Variants in ATRNL1 observed in about 807,000 individuals in gnomAD.
ATRNL1 encodes attractin-like protein 1.
A neutral mutation model predicts 182.7 loss-of-function variants in ATRNL1; 95 were observed. That is an observed-to-expected ratio of 0.52 (90% CI 0.44 to 0.62). The LOEUF (loss-of-function observed/expected upper bound fraction) is 0.62. Ranked by LOEUF, ATRNL1 falls within the 20% of genes least tolerant of loss-of-function variation. The pLI, the probability that ATRNL1 is intolerant of heterozygous loss-of-function variation, is 0.00. For missense variants in ATRNL1, 1,471 were observed against 1,679.5 expected, an observed-to-expected ratio of 0.88 and a Z score of 2.17; for synonymous variants, 576 against 568.3, an observed-to-expected ratio of 1.01 and a Z score of -0.19.
intron 21 of ATRNL1, among the ~76,000 whole-genome samples, chr10:115,428,866 T>C (rs1846023000): frequency 6.6e-6 from 1 of 152,236 alleles, no homozygotes; most frequent in Middle Eastern, 3.4e-3. Context: ...TTCCTAGCAA[T>C]GTATAGTTTG....
chr10:115,672,126 AAAC>A (rs1295357011), intron 26 of ATRNL1, among the ~76,000 whole-genome samples: 1 of 152,154 alleles, frequency 6.6e-6, no homozygotes, highest in East Asian at 1.9e-4. Flanking sequence ...TTAATGATAA[AAAC>A]AACAATTACG....
chr10:115,864,548 A>G (rs1333301964), intron 28 of ATRNL1, among the ~76,000 whole-genome samples: 2 of 152,236 alleles, frequency 1.3e-5, no homozygotes, highest in Non-Finnish European at 2.9e-5. Flanking sequence ...ACCCTAGCAG[A>G]CATGACTTAT....
chr10:115,436,621 GTATT>G (rs1846416996), intron 21 of ATRNL1, among the ~76,000 whole-genome samples: 1 of 152,040 alleles, frequency 6.6e-6, no homozygotes, highest in African/African-American at 2.4e-5. Context: ...GGAAAAACTA[GTATT>G]TATTAAATAT....
intron 8 of ATRNL1, among the ~76,000 whole-genome samples, chr10:115,178,980 A>C (rs1554887344): frequency 6.6e-6 from 1 of 152,130 alleles, no homozygotes; most frequent in African/African-American, 2.4e-5. Flanking sequence ...GAATTCTGCA[A>C]CATATCTCCT....
intron 20 of ATRNL1, among the ~76,000 whole-genome samples, chr10:115,405,804 T>C (rs775334182): frequency 1.3e-5 from 2 of 151,242 alleles, no homozygotes; most frequent in Non-Finnish European, 2.9e-5. Context: ...AACTCGTCAT[T>C]TAACATTAGG....
chr10:115,387,725 AT>A (rs1316640423), intron 19 of ATRNL1, among the ~76,000 whole-genome samples: 2 of 152,020 alleles, frequency 1.3e-5, no homozygotes, highest in Non-Finnish European at 2.9e-5. Flanking sequence ...TTCACTGCAT[AT>A]TTTTTTAAGA....
intron 26 of ATRNL1, among the ~76,000 whole-genome samples, chr10:115,631,387 T>C (rs1443520605): frequency 2.6e-5 from 4 of 151,960 alleles, no homozygotes; most frequent in Non-Finnish European, 5.9e-5. Flanking sequence ...AGAGCACAAA[T>C]GGTAGTTAAA....
At chr10:115,358,398 T>G (rs1554943381) in intron 19 of ATRNL1, among the ~76,000 whole-genome samples, 1 of 151,678 alleles carries the variant, frequency 6.6e-6, no homozygotes, top group African/African-American at 2.4e-5. Context: ...CTTTTCTTGC[T>G]TTACGTCTTA....
chr10:115,603,534 C>A (rs1032506822), intron 26 of ATRNL1, among the ~76,000 whole-genome samples: 1 of 152,188 alleles, frequency 6.6e-6, no homozygotes, highest in African/African-American at 2.4e-5. Context: ...TATATCACAA[C>A]AGTCTACCCT....
At chr10:115,649,386 T>C (rs1472360238) in intron 26 of ATRNL1, among the ~76,000 whole-genome samples, 2 of 152,178 alleles carry the variant, frequency 1.3e-5, no homozygotes, top group African/African-American at 4.8e-5. Flanking sequence ...TCTAGCCAGA[T>C]GGTCCTTTAT....
intron 8 of ATRNL1, among the ~76,000 whole-genome samples, chr10:115,196,748 A>G (rs2144271434): frequency 1.3e-5 from 2 of 152,238 alleles, no homozygotes; most frequent in South Asian, 4.1e-4. Flanking sequence ...ATTTTCAAAT[A>G]TGGGTTTGGT....
At chr10:115,250,682 G>T (rs781925459) in intron 10 of ATRNL1, among the ~76,000 whole-genome samples, 2 of 152,166 alleles carry the variant, frequency 1.3e-5, no homozygotes, top group Non-Finnish European at 2.9e-5. Context: ...TGCATAATTG[G>T]TCTTTTAATT....
At chr10:115,201,786 A>C (rs1848590414) in intron 8 of ATRNL1, among the ~76,000 whole-genome samples, 1 of 152,110 alleles carries the variant, frequency 6.6e-6, no homozygotes, top group Non-Finnish European at 1.5e-5. Context: ...TGGTAGCTTG[A>C]TGGGGATGGC....
rs561755113 is a variant in ATRNL1 at position 115,935,110 on chromosome 10, C to G, written c.4019-9548C>G. On this transcript the variant is annotated intron_variant, in intron 28 of 28. Coordinates refer to ENST00000355044, the MANE Select transcript of ATRNL1 (RefSeq NM_207303.4). ...TCTTTCTTTTCCTCATGGCTTCTGC[C>G]TGCTTCATAGAGTTGGCATCTGCAC... Among the ~76,000 whole-genome samples the G allele has an allele frequency of 5.3e-5, 8 of 152,242 alleles. No individual in the cohort carries two copies. The East Asian group carries it at 1.5e-3, about 29-fold the overall frequency.
In ATRNL1 at chr10:115,810,950, T is replaced by A. The variant is rs192212686; in HGVS notation, c.3904-36927T>A. On this transcript the variant is annotated intron_variant, in intron 27 of 28. Transcript: ENST00000355044. ...TTGTCTGAGAAATAGCTTTTGGGCTTTATGGATTTTTTCCTTTGTTTTTCT... is the reference window on the plus strand; with the variant it reads ...TTGTCTGAGAAATAGCTTTTGGGCTATATGGATTTTTTCCTTTGTTTTTCT... Among the ~76,000 whole-genome samples the A allele has an allele frequency of 2.6e-3, 399 of 152,018 alleles. 1 individual carries two copies. The highest frequency in any genetic ancestry group is 8.8e-3 in the African/African-American group (365 of 41,562).
chr10:115,773,635 TTAGAGCCCTTC>T (rs1949048124), intron 27 of ATRNL1, among the ~76,000 whole-genome samples: 1 of 152,182 alleles, frequency 6.6e-6, no homozygotes, highest in Non-Finnish European at 1.5e-5. Context: ...TCAGCCAAGC[TTAGAGCCCTTC>T]TAAGACTGGG....
chr10:115,771,744 T>C (rs1222565782), intron 27 of ATRNL1, among the ~76,000 whole-genome samples: 1 of 152,172 alleles, frequency 6.6e-6, no homozygotes, highest in Non-Finnish European at 1.5e-5. Context: ...TAAGAGATCA[T>C]AGATGTAGTA....
intron 25 of ATRNL1, among the ~76,000 whole-genome samples, chr10:115,533,408 C>G (rs1554989104): frequency 6.8e-6 from 1 of 146,410 alleles, no homozygotes; most frequent in African/African-American, 2.8e-5. Context: ...TTGTAGTATT[C>G]TCTGATGGTA....
At chr10:115,537,226 T>C (rs1400603430) in intron 25 of ATRNL1, among the ~76,000 whole-genome samples, 1 of 152,214 alleles carries the variant, frequency 6.6e-6, no homozygotes, top group Non-Finnish European at 1.5e-5. Flanking sequence ...GTGCTCCCCA[T>C]CTAGTTTACA....
Sources: allele counts gnomAD v4.1 joint callset (sites outside exome capture counted in the v4.1 genomes callset), GRCh38; gene constraint gnomAD v4.1.1; transcripts MANE v1.5; gene names NCBI Gene and HGNC (gene_info 2026-07-23, HGNC 2026-07-21).